ZNF549: variants seen among roughly 807,000 people sequenced by gnomAD.
ZNF549 encodes zinc finger protein 549.
ZNF549 carries 11 observed loss-of-function variants against 11.1 expected under a neutral mutation model. The ratio of observed to expected loss-of-function variants is 0.99; its 90% confidence interval spans 0.62 to 1.64. The LOEUF (loss-of-function observed/expected upper bound fraction) is 1.64, where lower values mean the gene tolerates loss of function less well. Among genes scored for constraint, ZNF549 ranks in the 40% most tolerant of loss-of-function variants. The pLI, the probability that ZNF549 is intolerant of heterozygous loss-of-function variation, is 0.00. For synonymous variants in ZNF549, 266 were observed against 269.1 expected, an observed-to-expected ratio of 0.99 and a Z score of 0.11; for missense variants, 748 against 765.1, an observed-to-expected ratio of 0.98 and a Z score of 0.26.
rs910417358 is a variant in ZNF549 at position 57,538,583 on chromosome 19, C to T, written c.1579C>T (p.Gln527Ter). The change falls in exon 4 of 4, where the codon CAA (glutamine) becomes TAA (stop). Residue 527 changes from glutamine to a stop codon, truncating the protein, a stop_gained. Transcript: ENST00000376233. LOFTEE classifies it low-confidence loss of function (END_TRUNC). ...GCACCAAAGAATCCATACTAGAGAA[C>T]AACTTTGTGAGTGCAATGAATGTGG... Reference protein sequence around the residue: ...LQHQRIHTREQLCECNECGKV... With the variant: ...LQHQRIHTRE 1.2e-6 allele frequency: 2 copies of T among 1,614,092 alleles called. No homozygotes were observed. The highest frequency in any genetic ancestry group is 1.7e-6 in the Non-Finnish European group (2 of 1,180,028).
Position 57,527,402 on chromosome 19 carries a change from C to A in ZNF549, c.-172C>A. On this transcript the variant is annotated 5_prime_UTR_variant, in exon 1 of 4. Transcript: ENST00000376233. ...GTCCGCGGGCTGGGCGTTTCCGGCT[C>A]GCTGGGTCCGGGCCAGGTAACTGGA... 1 of 921,786 alleles carries A rather than the reference C, an allele frequency of 1.1e-6. No homozygotes were observed. Among genetic ancestry groups the A allele is most frequent in the Non-Finnish European group, 1.7e-6 (1 of 602,728 alleles). The allele number at this position is 921,786 out of a possible 1,614,324, so 57.1% of individuals were successfully genotyped here. A position where few individuals can be genotyped will look rare whatever the true frequency, so the allele number is the denominator to read the frequency against.
Position 57,527,395 on chromosome 19 carries a change from T to C in ZNF549, c.-179T>C. On this transcript the variant is annotated 5_prime_UTR_variant, in exon 1 of 4. Coordinates refer to ENST00000376233, the MANE Select transcript of ZNF549 (RefSeq NM_001199295.2). ...CGAGCGCGTCCGCGGGCTGGGCGTTTCCGGCTCGCTGGGTCCGGGCCAGGT... is the reference window on the plus strand; with the variant it reads ...CGAGCGCGTCCGCGGGCTGGGCGTTCCCGGCTCGCTGGGTCCGGGCCAGGT... 1 of 862,904 alleles carries C rather than the reference T, an allele frequency of 1.2e-6. No homozygotes were observed. The highest frequency in any genetic ancestry group is 2.7e-5 in the East Asian group (1 of 37,282). The allele number at this position is 862,904 out of a possible 1,614,324, so 53.5% of individuals were successfully genotyped here. A position where few individuals can be genotyped will look rare whatever the true frequency, so the allele number is the denominator to read the frequency against.
chr19:57,530,244 G>C (rs1000547408), intron 1 of ZNF549, among the ~76,000 whole-genome samples: 1 of 152,150 alleles, frequency 6.6e-6, no homozygotes, highest in Non-Finnish European at 1.5e-5. Context: ...CAGAGATCTG[G>C]AGATTAGGTT....
chr19:57,530,970 G>T, intron 1 of ZNF549, 100 bp from the exon 2 acceptor site: 1 of 1,133,846 alleles, frequency 8.8e-7, no homozygotes, highest in Non-Finnish European at 1.3e-6. Flanking sequence ...CCTCAGAGAG[G>T]TTAGGTCTTT....
Position 57,527,415 on chromosome 19 carries a change from C to A in ZNF549, c.-159C>A. 9.4e-7 allele frequency: 1 copy of A among 1,066,394 alleles called. No homozygotes were observed. Among genetic ancestry groups the A allele is most frequent in the Non-Finnish European group, 1.4e-6 (1 of 721,192 alleles). 66.1% of individuals were successfully genotyped at this position (1,066,394 alleles called of 1,614,324 possible). On this transcript the variant is annotated 5_prime_UTR_variant, in exon 1 of 4. Coordinates refer to ENST00000376233, the MANE Select transcript of ZNF549 (RefSeq NM_001199295.2). ...GCGTTTCCGGCTCGCTGGGTCCGGG[C>A]CAGGTAACTGGAGCCGGAAACCGGT...
rs775657520 is a variant in ZNF549 at position 57,538,844 on chromosome 19, GA to G, written c.1842del (p.Glu614AspfsTer23). On this transcript the variant is annotated frameshift_variant, in exon 4 of 4. Coordinates refer to ENST00000376233, the MANE Select transcript of ZNF549 (RefSeq NM_001199295.2). LOFTEE classifies it low-confidence loss of function (END_TRUNC). ...AATCCACACCGGAGAAAAGCCGTATGAATGTGGTAAATGTGGGAAAGCCTTC... is the reference window on the plus strand; with the variant it reads ...AATCCACACCGGAGAAAAGCCGTATGATGTGGTAAATGTGGGAAAGCCTTC... ...QRIHTGEKPY[E>X]CGKCGKAFNK... is the part of the protein sequence containing the mutation. 8.1e-6 allele frequency: 13 copies of G among 1,613,688 alleles called. No individual in the cohort carries two copies. The highest frequency in any genetic ancestry group is 1.3e-5 in the African/African-American group (1 of 75,060).
In ZNF549 at chr19:57,538,091, T is replaced by G. The variant is rs1435301004; in HGVS notation, c.1087T>G (p.Cys363Gly). 6.2e-7 allele frequency: 1 copy of G among 1,614,160 alleles called. No individual in the cohort carries two copies. The highest frequency in any genetic ancestry group is 2.2e-5 in the East Asian group (1 of 44,876). The stretch of plus-strand genomic sequence containing the variant: ...CCACACTGGAGAGAGGCCTTATGTG[T>G]GTATGGAATGTGGGAAATCTTTTAT... ...RIHTGERPYVCMECGKSFIHS... is the reference protein window; with the variant it reads ...RIHTGERPYVGMECGKSFIHS... Residue 363 changes from cysteine (C) to glycine (G), a missense_variant, in exon 4 of 4, where the codon TGT becomes GGT. Cys to Gly is a radical substitution (Grantham distance 159, BLOSUM62 -3). Transcript: ENST00000376233.
At chr19:57,528,567 G>T (rs929716578) in intron 1 of ZNF549, among the ~76,000 whole-genome samples, 2 of 152,332 alleles carry the variant, frequency 1.3e-5, no homozygotes, top group East Asian at 3.9e-4. Flanking sequence ...GAAGCTGCCT[G>T]CAGATAGGAG....
In ZNF549 at chr19:57,539,058, C is replaced by T. The variant is rs1235965960; in HGVS notation, c.*131C>T. On this transcript the variant is annotated 3_prime_UTR_variant, in exon 4 of 4. Transcript: ENST00000376233. ...CTAGTTGAAAGATTCACTACAAGGT[C>T]CAAGTACTTGGGAAGCTTTCTAGAG... The T allele has an allele frequency of 9.2e-7, 1 of 1,086,120 alleles. No individual in the cohort carries two copies. Among genetic ancestry groups the T allele is most frequent in the Admixed American group, 2.5e-5 (1 of 39,694 alleles). The allele number at this position is 1,086,120 out of a possible 1,614,324, so 67.3% of individuals were successfully genotyped here. A position where few individuals can be genotyped will look rare whatever the true frequency, so the allele number is the denominator to read the frequency against.
In ZNF549 at chr19:57,532,891, C is replaced by A. The variant is rs1376423941; in HGVS notation, c.72+1783C>A. On this transcript the variant is annotated intron_variant, in intron 2 of 3. Transcript: ENST00000376233. ...CTTGAAGATCTGTCAGTTTTTGCCT[C>A]ATATAGTTTGATGCTCTGTGGTCAG... 2.6e-5 allele frequency among the ~76,000 whole-genome samples: 4 copies of A among 152,172 alleles called. No individual in the cohort carries two copies. The East Asian group carries it at 7.7e-4, about 29-fold the overall frequency.
At chr19:57,535,050 T>C in intron 2 of ZNF549, 94 bp from the exon 3 acceptor site, 2 of 1,503,816 alleles carry the variant, frequency 1.3e-6, no homozygotes, top group Non-Finnish European at 1.8e-6. Context: ...GGACCTGGTA[T>C]CTCCTCTGAG....
intron 3 of ZNF549, among the ~76,000 whole-genome samples, chr19:57,535,877 AGTCTT>A (rs1429737829): frequency 2.0e-5 from 3 of 152,092 alleles, no homozygotes; most frequent in Admixed American, 6.5e-5. Context: ...AGCGTAGTGA[AGTCTT>A]CAGCCACAGC....
At chr19:57,531,720 TTAAC>T (rs2089904944) in intron 2 of ZNF549, among the ~76,000 whole-genome samples, 1 of 152,188 alleles carries the variant, frequency 6.6e-6, no homozygotes. Context: ...CACATAGTGA[TTAAC>T]AGGCAGGTAG....
At position 57,527,471 on chromosome 19, in the gene ZNF549, C is replaced by T; in HGVS notation, c.-103C>T. The T allele has an allele frequency of 3.3e-6, 5 of 1,512,692 alleles. No homozygotes were observed. Among genetic ancestry groups the T allele is most frequent in the Non-Finnish European group, 4.5e-6 (5 of 1,104,424 alleles). 93.7% of individuals were successfully genotyped at this position (1,512,692 alleles called of 1,614,324 possible). ...TGGTGTCCGCCCGCAGAGGAGCTTGCCTGGTCTCGGTCTGAGCGTCGCCCA... is the reference window on the plus strand; with the variant it reads ...TGGTGTCCGCCCGCAGAGGAGCTTGTCTGGTCTCGGTCTGAGCGTCGCCCA... On this transcript the variant is annotated 5_prime_UTR_variant, in exon 1 of 4. Coordinates refer to ENST00000376233, the MANE Select transcript of ZNF549 (RefSeq NM_001199295.2).
Position 57,538,970 on chromosome 19 carries a change from C to A in ZNF549, c.*43C>A. The A allele has an allele frequency of 6.5e-7, 1 of 1,536,872 alleles. No homozygotes were observed. Among genetic ancestry groups the A allele is most frequent in the Non-Finnish European group, 8.7e-7 (1 of 1,149,266 alleles). ...AATTGTCTTATTCACTGTAGGACAC[C>A]AGAGAGCTGATTTTTCAAGGGATCC... On this transcript the variant is annotated 3_prime_UTR_variant, in exon 4 of 4. Coordinates refer to ENST00000376233, the MANE Select transcript of ZNF549 (RefSeq NM_001199295.2).
chr19:57,527,869 T>A (rs1460368971), intron 1 of ZNF549, among the ~76,000 whole-genome samples: 1 of 151,962 alleles, frequency 6.6e-6, no homozygotes, highest in African/African-American at 2.4e-5. Context: ...GCAGAGAGAA[T>A]GAGGAGAAGA....
At chr19:57,532,498 A>G (rs1453243104) in intron 2 of ZNF549, among the ~76,000 whole-genome samples, 1 of 152,228 alleles carries the variant, frequency 6.6e-6, no homozygotes, top group Non-Finnish European at 1.5e-5. Context: ...ATTCAGTCAC[A>G]GTCAAAGGAT....
At position 57,538,930 on chromosome 19, in the gene ZNF549, A is replaced by C. The variant is rs1217480313; in HGVS notation, c.*3A>C. ...TACATATAACAGAAGAGCCCTAGCA[A>C]TTGTTGGGATGTGTAATTGTCTTAT... On this transcript the variant is annotated 3_prime_UTR_variant, in exon 4 of 4. Transcript: ENST00000376233. 6.3e-7 allele frequency: 1 copy of C among 1,593,486 alleles called. No homozygotes were observed. Among genetic ancestry groups the C allele is most frequent in the East Asian group, 2.2e-5 (1 of 44,806 alleles).
intron 2 of ZNF549, among the ~76,000 whole-genome samples, chr19:57,531,702 A>C (rs1208725801): frequency 6.6e-6 from 1 of 152,248 alleles, no homozygotes; most frequent in Non-Finnish European, 1.5e-5. Flanking sequence ...TATGATAACC[A>C]AGATGGCCAC....
Sources: allele counts gnomAD v4.1 joint callset (sites outside exome capture counted in the v4.1 genomes callset), GRCh38; gene constraint gnomAD v4.1.1; transcripts MANE v1.5; gene names NCBI Gene and HGNC (gene_info 2026-07-23, HGNC 2026-07-21).